NOS1: variants seen among roughly 807,000 people sequenced by gnomAD.
NOS1 encodes the protein NOS type I.
Under a neutral mutation model 164.5 loss-of-function variants are expected in NOS1, and 51 were observed. That is an observed-to-expected ratio of 0.31 (90% CI 0.25 to 0.39). NOS1 has a LOEUF of 0.39. Ranked by LOEUF, NOS1 falls within the 10% of genes least tolerant of loss-of-function variation. NOS1 has a pLI of 1.00. For missense variants in NOS1, 1,362 were observed against 1,885.6 expected (o/e 0.72, Z 5.14); for synonymous variants, 719 against 745.8 (o/e 0.96, Z 0.59).
chr12:117,238,542 A>C (rs894557555), intron 20 of NOS1, among the ~76,000 whole-genome samples: 3 of 151,432 alleles, frequency 2.0e-5, no homozygotes, highest in Admixed American at 2.0e-4. Context: ...TTTGAGATGG[A>C]GTCTCACTCT....
intron 7 of NOS1, among the ~76,000 whole-genome samples, chr12:117,284,118 A>G (rs1873910804): frequency 6.6e-6 from 1 of 152,134 alleles, no homozygotes; most frequent in Admixed American, 6.5e-5. Context: ...AAGAGAAGAG[A>G]CACATCTAAG....
intron 20 of NOS1, among the ~76,000 whole-genome samples, chr12:117,236,982 G>A (rs1319475010): frequency 2.0e-5 from 3 of 152,232 alleles, no homozygotes; most frequent in East Asian, 1.9e-4. Flanking sequence ...TCTGCATGCC[G>A]CTTGCTGAGA....
At chr12:117,225,186 C>A in intron 24 of NOS1, 49 bp from the exon 25 acceptor site, 1 of 1,572,186 alleles carries the variant, frequency 6.4e-7, no homozygotes. Context: ...CAAATCCAAT[C>A]AAGAACAATT....
At chr12:117,311,335 C>T (rs915299233) in intron 3 of NOS1, 131 bp downstream of exon 3, 7 of 1,129,034 alleles carry the variant, frequency 6.2e-6, no homozygotes, top group Middle Eastern at 2.9e-4. Flanking sequence ...CTCCCAAGCT[C>T]TCCAGCCACG....
chr12:117,279,988 G>A (rs538632954), intron 8 of NOS1, among the ~76,000 whole-genome samples: 6 of 152,324 alleles, frequency 3.9e-5, no homozygotes, highest in Admixed American at 2.0e-4. Flanking sequence ...GAAATTCAGC[G>A]GGGTATTATT....
At chr12:117,338,970 C>T (rs1174323481) in intron 1 of NOS1, among the ~76,000 whole-genome samples, 1 of 152,174 alleles carries the variant, frequency 6.6e-6, no homozygotes, top group Non-Finnish European at 1.5e-5. Context: ...AAACAAAATA[C>T]TGCCACCCCC....
intron 11 of NOS1, among the ~76,000 whole-genome samples, chr12:117,266,526 A>C (rs1872427725): frequency 6.7e-6 from 1 of 149,788 alleles, no homozygotes; most frequent in Non-Finnish European, 1.5e-5. Context: ...GACTTCTTTT[A>C]GGTTTTTTTT....
chr12:117,208,841 G>T lies in NOS1; in HGVS notation c.*6468C>A. On this transcript the variant is annotated 3_prime_UTR_variant, in exon 29 of 29. Transcript: ENST00000317775. ...GGGTTCAAGTAATTCTCCTGCCTCA[G>T]CCTCCCGAGTAGATGGGATTACAGA... is the stretch of plus-strand genomic sequence containing the variant. 1 of 695,468 alleles carries T rather than the reference G, an allele frequency of 1.4e-6. No homozygotes were observed. Among genetic ancestry groups the T allele is most frequent in the Non-Finnish European group, 1.8e-6 (1 of 564,918 alleles). 43.1% of individuals were successfully genotyped at this position (695,468 alleles called of 1,614,324 possible).
chr12:117,225,622 AT>A (rs372204460), intron 24 of NOS1, among the ~76,000 whole-genome samples: 5 of 150,168 alleles, frequency 3.3e-5, no homozygotes, highest in African/African-American at 7.3e-5. Flanking sequence ...GAGAGCCACC[AT>A]TTTTTTTTCT....
intron 13 of NOS1, 141 bp from the exon 14 acceptor site, chr12:117,260,750 T>G: frequency 1.3e-6 from 1 of 767,052 alleles, no homozygotes; most frequent in Non-Finnish European, 2.0e-6. Context: ...CTTCAGGGGT[T>G]TCCTCAGAGG....
At chr12:117,297,743 C>A (rs1352946771) in intron 3 of NOS1, among the ~76,000 whole-genome samples, 1 of 152,062 alleles carries the variant, frequency 6.6e-6, no homozygotes, top group Non-Finnish European at 1.5e-5. Context: ...GTGTGCTGGG[C>A]AGTGGACAGA....
At chr12:117,277,142 C>T (rs535512092) in intron 9 of NOS1, among the ~76,000 whole-genome samples, 34 of 152,052 alleles carry the variant, frequency 2.2e-4, no homozygotes, top group Non-Finnish European at 4.6e-4. Context: ...TCTTCACCAG[C>T]GTTTGTTATT....
chr12:117,259,847 C>T lies in NOS1; in HGVS notation c.2367+618G>A, dbSNP rs565589217. ...TGAAAACCATCGAGCTGGCCGGGTG[C>T]GGTGGCTCACGCCTGTAATCCCAGC... On this transcript the variant is annotated intron_variant, in intron 14 of 28. Coordinates refer to ENST00000317775, the MANE Select transcript of NOS1 (RefSeq NM_000620.5). 1.7e-4 allele frequency among the ~76,000 whole-genome samples: 26 copies of T among 151,902 alleles called. No individual in the cohort carries two copies. The South Asian group carries it at 4.0e-3, about 23-fold the overall frequency.
chr12:117,241,825 A>AAT (rs1870200123), intron 20 of NOS1, among the ~76,000 whole-genome samples: 1 of 152,198 alleles, frequency 6.6e-6, no homozygotes, highest in African/African-American at 2.4e-5. Context: ...TGATGGTAAT[A>AAT]ATAACCTCAG....
Position 117,272,377 on chromosome 12 carries a change from G to T in NOS1, c.1839+8C>A. The T allele has an allele frequency of 6.2e-7, 1 of 1,614,080 alleles. No individual in the cohort carries two copies. Among genetic ancestry groups the T allele is most frequent in the Non-Finnish European group, 8.5e-7 (1 of 1,179,998 alleles). On this transcript the variant is annotated splice_region_variant and intron_variant, in intron 10 of 28. Transcript: ENST00000317775. The surrounding 1 kb of genome is among the most constrained non-coding windows in gnomAD (Gnocchi z 4.3). ...TTTTCCCCTGTGGTGACCAGAGAGG[G>T]CCCTTACCTCCAGGATATTGTAGCG...
chr12:117,262,493 G>C (rs1872009775), intron 13 of NOS1, among the ~76,000 whole-genome samples: 1 of 145,776 alleles, frequency 6.9e-6, no homozygotes, highest in African/African-American at 2.7e-5. Context: ...GAGGGGGAGA[G>C]AGAGAGAGAG....
At chr12:117,340,871 C>CA (rs1876069543) in intron 1 of NOS1, among the ~76,000 whole-genome samples, 1 of 96,434 alleles carries the variant, frequency 1.0e-5, no homozygotes, top group African/African-American at 4.6e-5. Context: ...TCACACCTGG[C>CA]TATTTTTTTT....
chr12:117,321,342 T>A (rs1277799955), intron 2 of NOS1, among the ~76,000 whole-genome samples: 2 of 152,224 alleles, frequency 1.3e-5, no homozygotes, highest in East Asian at 3.9e-4. Flanking sequence ...TCTGATATGA[T>A]TCTCCAAGGG....
rs926174552 is a variant in NOS1, at chr12:117,312,025, T to C, written c.726-433A>G. The stretch of plus-strand genomic sequence containing the variant: ...TGGAAAAAGTAGGAGGTAGGAAGGA[T>C]AGAGAGGTCCTGTGGGCTTTGGGTA... On this transcript the variant is annotated intron_variant, in intron 2 of 28. Transcript: ENST00000317775. 3.9e-5 allele frequency among the ~76,000 whole-genome samples: 6 copies of C among 152,208 alleles called. No individual in the cohort carries two copies. In the East Asian group the frequency reaches 9.7e-4, roughly 24 times the overall value.
Sources: allele counts gnomAD v4.1 joint callset (sites outside exome capture counted in the v4.1 genomes callset), GRCh38; gene constraint gnomAD v4.1.1; non-coding constraint Gnocchi (gnomAD v3.1); transcripts MANE v1.5; gene names NCBI Gene and HGNC (gene_info 2026-07-23, HGNC 2026-07-21).